NCAM2: variants seen among roughly 807,000 people sequenced by gnomAD.
NCAM2 encodes neural cell adhesion molecule 2.
A neutral mutation model predicts 98.1 loss-of-function variants in NCAM2; 30 were observed. The ratio of observed to expected loss-of-function variants is 0.31; its 90% confidence interval spans 0.23 to 0.41. The LOEUF (loss-of-function observed/expected upper bound fraction) is 0.41. NCAM2 is among the 10% of genes least tolerant of loss of function. NCAM2 has a pLI of 1.00. For synonymous variants in NCAM2, 368 were observed against 342.4 expected (o/e 1.07, Z -0.83); for missense variants, 867 against 1,005.8 (o/e 0.86, Z 1.87).
At chr21:21,349,861 T>G (rs1005984150) in intron 8 of NCAM2, among the ~76,000 whole-genome samples, 1 of 152,126 alleles carries the variant, frequency 6.6e-6, no homozygotes, top group African/African-American at 2.4e-5. Context: ...TTGTGGGATC[T>G]AAAAATCAAA....
chr21:21,352,617 A>G (rs1468176165), intron 8 of NCAM2, among the ~76,000 whole-genome samples: 1 of 151,756 alleles, frequency 6.6e-6, no homozygotes, highest in African/African-American at 2.4e-5. Flanking sequence ...CAGTTTCTGC[A>G]TGTACAAATC....
At chr21:21,288,876 T>C (rs552028700) in intron 4 of NCAM2, among the ~76,000 whole-genome samples, 1 of 152,064 alleles carries the variant, frequency 6.6e-6, no homozygotes, top group South Asian at 2.1e-4. Context: ...AGCTATGCTT[T>C]TGATTGTAGC....
At chr21:21,175,528 G>A (rs898877576) in intron 1 of NCAM2, among the ~76,000 whole-genome samples, 20 of 151,450 alleles carry the variant, frequency 1.3e-4, no homozygotes, top group Non-Finnish European at 1.8e-4. Context: ...GCGAGACTCC[G>A]TCTCAAAAAA....
chr21:21,154,602 A>G (rs1170780597), intron 1 of NCAM2, among the ~76,000 whole-genome samples: 1 of 151,912 alleles, frequency 6.6e-6, no homozygotes. Context: ...TTCTTGAAAC[A>G]TGAGTGGATA....
chr21:21,057,611 T>C (rs1286050532), intron 1 of NCAM2, among the ~76,000 whole-genome samples: 1 of 152,122 alleles, frequency 6.6e-6, no homozygotes, highest in Non-Finnish European at 1.5e-5. Context: ...ATCTAATCTG[T>C]GCTCATAACT....
chr21:21,045,688 A>G (rs994551084), intron 1 of NCAM2, among the ~76,000 whole-genome samples: 6 of 152,170 alleles, frequency 3.9e-5, no homozygotes, highest in Admixed American at 3.3e-4. Flanking sequence ...AGTGGAGCAC[A>G]TGAGTCAATG....
intron 16 of NCAM2, among the ~76,000 whole-genome samples, chr21:21,529,450 G>T (rs1989504065): frequency 6.6e-6 from 1 of 151,924 alleles, no homozygotes; most frequent in Non-Finnish European, 1.5e-5. Context: ...ATTCTACATA[G>T]TAGAGTTAAA....
chr21:21,458,721 T>C (rs963720632), intron 12 of NCAM2, among the ~76,000 whole-genome samples: 55 of 152,260 alleles, frequency 3.6e-4, no homozygotes, highest in Admixed American at 1.9e-3. Context: ...TATGGTAATC[T>C]CTTTTAGCAG....
Position 21,468,781 on chromosome 21 carries a change from A to G in NCAM2, c.1894A>G (p.Ser632Gly), listed in dbSNP as rs199790866. ...PILEYIVKYR[S>G]KDKEDQWLEK... ...TTTGGAATACATTGTGAAATATAGA[A>G]GTGTAAGTACCTTGTTTATTGTCAT... is the stretch of plus-strand genomic sequence containing the variant. The change falls in exon 14 of 18, where the codon AGT (serine) becomes GGT (glycine). Residue 632 changes from serine (S) to glycine (G), a missense_variant and splice_region_variant. Around this residue, in one of 5 missense-constraint regions of NCAM2, gnomAD observed 234 missense variants for 333.8 expected, o/e 0.70. Coordinates refer to ENST00000400546, the MANE Select transcript of NCAM2 (RefSeq NM_004540.5). The G allele has an allele frequency of 6.2e-7, 1 of 1,610,236 alleles. No homozygotes were observed. The highest frequency in any genetic ancestry group is 8.5e-7 in the Non-Finnish European group (1 of 1,177,580).
chr21:21,079,474 TATA>T (rs1452277564), intron 1 of NCAM2, among the ~76,000 whole-genome samples: 2 of 152,204 alleles, frequency 1.3e-5, no homozygotes, highest in African/African-American at 4.8e-5. Flanking sequence ...AAGGATTTCT[TATA>T]ATAAAATATT....
In NCAM2 at chr21:21,335,640, A is replaced by G; in HGVS notation, c.873A>G (p.Glu291=). 4 of 1,607,368 alleles carry G rather than the reference A, an allele frequency of 2.5e-6. No homozygotes were observed. The highest frequency in any genetic ancestry group is 2.5e-6 in the Non-Finnish European group (3 of 1,177,358). ...CRATNKAGED[E]KQAFLQVFVQ... is the part of the protein sequence containing the mutation. ...CCACAAATAAGGCAGGAGAAGATGA[A>G]AAGCAAGCTTTCCTCCAAGTCTTTG... Residue 291 remains glutamate, a synonymous_variant, in exon 7 of 18, where the codon GAA becomes GAG. Transcript: ENST00000400546.
At chr21:21,340,294 C>T (rs1049965327) in intron 8 of NCAM2, among the ~76,000 whole-genome samples, 1 of 151,886 alleles carries the variant, frequency 6.6e-6, no homozygotes, top group African/African-American at 2.4e-5. Context: ...TTTTACTCTG[C>T]ATTTAATGAA....
At chr21:21,423,231 A>G (rs1193499661) in intron 11 of NCAM2, among the ~76,000 whole-genome samples, 2 of 152,182 alleles carry the variant, frequency 1.3e-5, no homozygotes, top group Admixed American at 1.3e-4. Context: ...AGCTGTCATC[A>G]GGTAGTATGT....
rs1010092597 is a variant in NCAM2, at chr21:21,543,129, T to A, written c.*5172T>A. ...CCATTCAAATTCTATATTCTTAAGT[T>A]AGCTACCACAACGTTTTCTTATTGT... is the stretch of plus-strand genomic sequence containing the variant. On this transcript the variant is annotated 3_prime_UTR_variant, in exon 18 of 18. Coordinates refer to ENST00000400546, the MANE Select transcript of NCAM2 (RefSeq NM_004540.5). 7 of 151,896 alleles carry A rather than the reference T, an allele frequency of 4.6e-5. No homozygotes were observed. The highest frequency in any genetic ancestry group is 1.0e-4 in the Non-Finnish European group (7 of 67,862). 9.4% of individuals were successfully genotyped at this position (151,896 alleles called of 1,614,324 possible).
chr21:21,454,538 T>C (rs1307598289), intron 12 of NCAM2, among the ~76,000 whole-genome samples: 1 of 152,042 alleles, frequency 6.6e-6, no homozygotes, highest in East Asian at 1.9e-4. Flanking sequence ...TAATGTGTAT[T>C]AGACTGTAAA....
At chr21:21,335,817 G>A (rs2074850921) in intron 7 of NCAM2, 152 bp downstream of exon 7, 1 of 735,826 alleles carries the variant, frequency 1.4e-6, no homozygotes, top group Non-Finnish European at 1.9e-6. Context: ...CTACCAGATA[G>A]AATTTTTTGA....
At chr21:21,394,913 G>A (rs2076469051) in intron 9 of NCAM2, among the ~76,000 whole-genome samples, 1 of 152,034 alleles carries the variant, frequency 6.6e-6, no homozygotes, top group Non-Finnish European at 1.5e-5. Flanking sequence ...GATGACATCT[G>A]GAATACATAC....
chr21:21,392,985 A>G (rs546059635), intron 9 of NCAM2, among the ~76,000 whole-genome samples: 1 of 151,916 alleles, frequency 6.6e-6, no homozygotes, highest in South Asian at 2.1e-4. Context: ...TTTTGTTGCA[A>G]TTGCTTTTGG....
In NCAM2 at chr21:21,338,393, G is replaced by A. The variant is rs1379574940; in HGVS notation, c.903G>A (p.Gln301=). ...TAATATATATATTCTTTACAGTACA[G>A]CCTCACATAATACAGCTTAAAAATG... ...EKQAFLQVFV[Q]PHIIQLKNET... Residue 301 remains glutamine, a synonymous_variant, in exon 8 of 18, where the codon CAG becomes CAA. Coordinates refer to ENST00000400546, the MANE Select transcript of NCAM2 (RefSeq NM_004540.5). 1.2e-6 allele frequency: 2 copies of A among 1,610,002 alleles called. No homozygotes were observed. The highest frequency in any genetic ancestry group is 1.7e-4 in the Middle Eastern group (1 of 6,030).
Sources: gnomAD v4.1 joint callset for allele counts (sites outside exome capture counted in the v4.1 genomes callset) on GRCh38, gnomAD v4.1.1 for gene constraint, gnomAD v4.1.1 regional missense constraint, MANE v1.5 for transcripts, NCBI Gene and HGNC (gene_info 2026-07-23, HGNC 2026-07-21) for gene names.